Variants in PRKN observed in about 807,000 individuals in gnomAD.
The protein encoded by PRKN is E3 ubiquitin-protein ligase parkin.
In PRKN, 56 loss-of-function variants were observed where a neutral mutation model predicts 59.5. That is an observed-to-expected ratio of 0.94 (90% CI 0.76 to 1.18). The LOEUF (loss-of-function observed/expected upper bound fraction) is 1.18, where lower values mean the gene tolerates loss of function less well. Ranked by LOEUF, PRKN falls within the 50% of genes most tolerant of loss-of-function variation. The pLI, the probability that PRKN is intolerant of heterozygous loss-of-function variation, is 0.00. For synonymous variants in PRKN, 250 were observed against 222.1 expected (o/e 1.13, Z -1.12); for missense variants, 657 against 596.4 (o/e 1.10, Z -1.06).
intron 4 of PRKN, among the ~76,000 whole-genome samples, chr6:162,153,228 C>A (rs1782350368): frequency 6.6e-6 from 1 of 152,238 alleles, no homozygotes; most frequent in African/African-American, 2.4e-5. Context: ...CAAGCCTGCT[C>A]CTTCGGCACC....
chr6:162,054,081 AG>A lies in PRKN; in HGVS notation c.618+9del, dbSNP rs1375353500. 6.4e-7 allele frequency: 1 copy of A among 1,553,210 alleles called. No homozygotes were observed. Among genetic ancestry groups the A allele is most frequent in the East Asian group, 2.2e-5 (1 of 44,564 alleles). ...TGCAATAAGAGGAATGAATGTGACC[AG>A]GTACTTACTGCACTAGTCCCAGGGC... On this transcript the variant is annotated intron_variant, in intron 5 of 11. Coordinates refer to ENST00000366898, the MANE Select transcript of PRKN (RefSeq NM_004562.3).
chr6:162,284,218 T>G (rs1332467556), intron 2 of PRKN, among the ~76,000 whole-genome samples: 6 of 98,862 alleles, frequency 6.1e-5, no homozygotes, highest in Admixed American at 3.9e-4. Flanking sequence ...TTTCTTTCTT[T>G]TTTTTTTTTT....
rs1173610227 is a variant in PRKN at position 161,461,863 on chromosome 6, C to T, written c.1084-74986G>A. On this transcript the variant is annotated intron_variant, in intron 9 of 11. Coordinates refer to ENST00000366898, the MANE Select transcript of PRKN (RefSeq NM_004562.3). This position sits in a 1 kb window ranked among gnomAD's most constrained non-coding sequence, Gnocchi z 5.1. Reference sequence around the variant, plus strand: ...GAGACACAGACTTGGGGCCTATCAACTATAGGCAGTCAGAACTGCAGAAAT... The same window carrying T: ...GAGACACAGACTTGGGGCCTATCAATTATAGGCAGTCAGAACTGCAGAAAT... Among the ~76,000 whole-genome samples the T allele has an allele frequency of 6.6e-6, 1 of 152,134 alleles. No homozygotes were observed. Among genetic ancestry groups the T allele is most frequent in the East Asian group, 1.9e-4 (1 of 5,188 alleles).
chr6:161,951,130 T>G (rs938939060), intron 6 of PRKN, among the ~76,000 whole-genome samples: 1 of 151,964 alleles, frequency 6.6e-6, no homozygotes, highest in African/African-American at 2.4e-5. Context: ...GTTTTTACGT[T>G]ACTATTACTT....
At chr6:162,225,905 T>TATATAC (rs1554287394) in intron 3 of PRKN, among the ~76,000 whole-genome samples, 4 of 146,690 alleles carry the variant, frequency 2.7e-5, no homozygotes, top group African/African-American at 9.9e-5. Context: ...TATATATATA[T>TATATAC]ACTTTTGTTA....
intron 9 of PRKN, among the ~76,000 whole-genome samples, chr6:161,398,049 T>C (rs1265355033): frequency 2.0e-5 from 3 of 152,022 alleles, no homozygotes; most frequent in African/African-American, 7.2e-5. Context: ...CCAGAGAAAG[T>C]CGAGGCTAGG....
At chr6:162,012,382 G>A (rs908262732) in intron 5 of PRKN, among the ~76,000 whole-genome samples, 1 of 151,714 alleles carries the variant, frequency 6.6e-6, no homozygotes, top group Non-Finnish European at 1.5e-5. Flanking sequence ...ACTAAAACAA[G>A]TAAATGCAAA....
At position 161,424,336 on chromosome 6, in the gene PRKN, CAAA is replaced by C. The variant is rs56268660; in HGVS notation, c.1084-37462_1084-37460del. 4.7e-3 allele frequency among the ~76,000 whole-genome samples: 517 copies of C among 109,182 alleles called. 2 individuals carry two copies. Among genetic ancestry groups the C allele is most frequent in the South Asian group, 7.5e-3 (24 of 3,196 alleles). 71.6% of individuals were successfully genotyped at this position (109,182 alleles called of 152,430 possible). A position where few individuals can be genotyped will look rare whatever the true frequency, so the allele number is the denominator to read the frequency against. On this transcript the variant is annotated intron_variant, in intron 9 of 11. Coordinates refer to ENST00000366898, the MANE Select transcript of PRKN (RefSeq NM_004562.3). ...TGGGAGACAGAGGGAGATTCTGTCT[CAAA>C]AAAAAAAAAAAAAAAAAGAATTGAT...
At position 161,483,151 on chromosome 6, in the gene PRKN, C is replaced by A. The variant is rs1281488363; in HGVS notation, c.1083+65703G>T. Among the ~76,000 whole-genome samples the A allele has an allele frequency of 6.9e-6, 1 of 144,212 alleles. No individual in the cohort carries two copies. Among genetic ancestry groups the A allele is most frequent in the Admixed American group, 7.2e-5 (1 of 13,970 alleles). 94.6% of individuals were successfully genotyped at this position (144,212 alleles called of 152,430 possible). On this transcript the variant is annotated intron_variant, in intron 9 of 11. Coordinates refer to ENST00000366898, the MANE Select transcript of PRKN (RefSeq NM_004562.3). The surrounding 1 kb of genome is among the most constrained non-coding windows in gnomAD (Gnocchi z 5.0). ...CTGCAGATAAATGTTCTTTCCGGCTCGTGACAACTAACAATTGTGTTTCAA... is the reference window on the plus strand; with the variant it reads ...CTGCAGATAAATGTTCTTTCCGGCTAGTGACAACTAACAATTGTGTTTCAA...
In PRKN at chr6:161,527,961, C is replaced by G. The variant is rs1270153159; in HGVS notation, c.1083+20893G>C. Among the ~76,000 whole-genome samples, 1 of 152,212 alleles carries G rather than the reference C, an allele frequency of 6.6e-6. No individual in the cohort carries two copies. The highest frequency in any genetic ancestry group is 1.5e-5 in the Non-Finnish European group (1 of 68,042). Reference sequence around the variant, plus strand: ...GCTTTTAAACATTTCTTTCCCCCCACTTAGTCCCCAGAGACTTAGAGTTAA... The same window carrying G: ...GCTTTTAAACATTTCTTTCCCCCCAGTTAGTCCCCAGAGACTTAGAGTTAA... On this transcript the variant is annotated intron_variant, in intron 9 of 11. Transcript: ENST00000366898. This position sits in a 1 kb window ranked among gnomAD's most constrained non-coding sequence, Gnocchi z 4.6.
intron 5 of PRKN, among the ~76,000 whole-genome samples, chr6:162,021,729 T>A (rs1213509103): frequency 5.9e-5 from 9 of 152,148 alleles, no homozygotes; most frequent in Non-Finnish European, 1.5e-5. Context: ...GTGGTACATG[T>A]GCAGTTTTGT....
intron 6 of PRKN, among the ~76,000 whole-genome samples, chr6:161,809,206 A>C (rs1003568487): frequency 2.6e-5 from 4 of 152,088 alleles, no homozygotes; most frequent in African/African-American, 9.7e-5. Flanking sequence ...TTTAGTTATA[A>C]ATACCATATT....
chr6:161,778,723 C>T (rs983940767), intron 7 of PRKN, among the ~76,000 whole-genome samples: 2 of 152,062 alleles, frequency 1.3e-5, no homozygotes, highest in Non-Finnish European at 2.9e-5. Context: ...TCCAGAGAAA[C>T]ATTCCACAGC....
At chr6:162,138,269 C>T (rs1781630249) in intron 4 of PRKN, among the ~76,000 whole-genome samples, 1 of 152,084 alleles carries the variant, frequency 6.6e-6, no homozygotes, top group African/African-American at 2.4e-5. Context: ...AGTGGAGAGA[C>T]CTTATGGTAC....
chr6:161,667,273 G>T (rs976434252), intron 7 of PRKN, among the ~76,000 whole-genome samples: 7 of 152,164 alleles, frequency 4.6e-5, no homozygotes, highest in African/African-American at 1.7e-4. Context: ...CCTCCACCCT[G>T]CAGCCCCCAC....
At chr6:161,404,844 AC>A (rs1787191448) in intron 9 of PRKN, among the ~76,000 whole-genome samples, 2 of 152,308 alleles carry the variant, frequency 1.3e-5, no homozygotes, top group African/African-American at 2.4e-5. Context: ...GCTACAGAGA[AC>A]CTGACATCCT....
intron 10 of PRKN, among the ~76,000 whole-genome samples, chr6:161,383,723 C>A (rs1786100061): frequency 6.6e-6 from 1 of 152,190 alleles, no homozygotes; most frequent in Non-Finnish European, 1.5e-5. Flanking sequence ...CGCTCTGAGG[C>A]CCTCAGCCCT....
At chr6:161,957,406 G>GTTT (rs1157574100) in intron 6 of PRKN, among the ~76,000 whole-genome samples, 1 of 131,434 alleles carries the variant, frequency 7.6e-6, no homozygotes, top group Non-Finnish European at 1.6e-5. Context: ...TGTTGTTCTT[G>GTTT]TTGTTTTTTT....
chr6:162,014,902 T>C (rs1326975894), intron 5 of PRKN, among the ~76,000 whole-genome samples: 8 of 152,148 alleles, frequency 5.3e-5, no homozygotes, highest in African/African-American at 1.9e-4. Flanking sequence ...CATAGTACTC[T>C]ATTGAATGGT....
Sources: gnomAD v4.1 joint callset for allele counts (sites outside exome capture counted in the v4.1 genomes callset) on GRCh38, gnomAD v4.1.1 for gene constraint, Gnocchi (gnomAD v3.1) non-coding constraint, MANE v1.5 for transcripts, NCBI Gene and HGNC (gene_info 2026-07-23, HGNC 2026-07-21) for gene names.